The following CAAP1 variants were observed in gnomAD, a reference collection of about 807,000 sequenced individuals.
CAAP1 encodes the protein caspase activity and apoptosis inhibitor 1, also known as conserved anti-apoptotic protein.
A neutral mutation model predicts 34.0 loss-of-function variants in CAAP1; 20 were observed. The observed-to-expected ratio is 0.59, with a 90% CI of 0.41 to 0.86. The LOEUF (loss-of-function observed/expected upper bound fraction) is 0.86, where lower values mean the gene tolerates loss of function less well. CAAP1 is among the 40% of genes least tolerant of loss of function. CAAP1 has a pLI of 0.00. For synonymous variants in CAAP1, 213 were observed against 166.7 expected, an observed-to-expected ratio of 1.28 and a Z score of -2.14; for missense variants, 538 against 450.5, an observed-to-expected ratio of 1.19 and a Z score of -1.76.
chr9:26,889,190 A>C (rs367817659), intron 1 of CAAP1, among the ~76,000 whole-genome samples: 2 of 151,518 alleles, frequency 1.3e-5, no homozygotes, highest in Admixed American at 6.6e-5. Context: ...GCTGAGGCGA[A>C]CGGATCACCT....
chr9:26,887,900 TG>T (rs1360032279), intron 1 of CAAP1, among the ~76,000 whole-genome samples: 1 of 152,228 alleles, frequency 6.6e-6, no homozygotes, highest in African/African-American at 2.4e-5. Context: ...GAAGTAAAGA[TG>T]TTACAAATCA....
chr9:26,855,320 T>A (rs762353389), intron 5 of CAAP1, among the ~76,000 whole-genome samples: 1 of 151,948 alleles, frequency 6.6e-6, no homozygotes, highest in Non-Finnish European at 1.5e-5. Context: ...TGTCAGGAGT[T>A]GGGGGGGAGA....
chr9:26,851,312 G>C (rs548649207), intron 5 of CAAP1, among the ~76,000 whole-genome samples: 14 of 152,256 alleles, frequency 9.2e-5, no homozygotes, highest in Admixed American at 7.9e-4. Flanking sequence ...CAATCTAATA[G>C]GTGATATTAA....
At chr9:26,862,982 G>A (rs565929349) in intron 4 of CAAP1, among the ~76,000 whole-genome samples, 1 of 151,968 alleles carries the variant, frequency 6.6e-6, no homozygotes. Context: ...TCAATAATAA[G>A]TAAATCTTGA....
At chr9:26,883,689 CAA>C (rs1460831601) in intron 4 of CAAP1, among the ~76,000 whole-genome samples, 1 of 151,994 alleles carries the variant, frequency 6.6e-6, no homozygotes, top group Non-Finnish European at 1.5e-5. Flanking sequence ...CATCAAGAAA[CAA>C]AATGTTGATC....
rs780906896 is a variant in CAAP1 at position 26,842,449 on chromosome 9, G to A, written c.938C>T (p.Pro313Leu). 1 of 1,614,090 alleles carries A rather than the reference G, an allele frequency of 6.2e-7. No homozygotes were observed. Among genetic ancestry groups the A allele is most frequent in the South Asian group, 1.1e-5 (1 of 91,066 alleles). The stretch of plus-strand genomic sequence containing the variant: ...CAGGGTGGCTGCTTTGGGTTCGTTT[G>A]GGCTAGACTCTGCCAGTCCTAGAAT... ...NEILGLAESS[P>L]NEPKAATLAV... is the part of the protein sequence containing the mutation. The change falls in exon 6 of 6, where the codon CCA becomes CTA. Residue 313 changes from proline to leucine, a missense_variant. Physicochemically the swap from Pro to Leu is moderately conservative, Grantham distance 98. Transcript: ENST00000333916.
chr9:26,886,025 G>T, intron 3 of CAAP1, 79 bp downstream of exon 3: 1 of 578,186 alleles, frequency 1.7e-6, no homozygotes, highest in South Asian at 4.6e-5. Flanking sequence ...ATCCAAGTAG[G>T]AGAAAGAATA....
chr9:26,887,444 C>G lies in CAAP1; in HGVS notation c.373G>C (p.Gly125Arg), dbSNP rs768855156. 6.2e-7 allele frequency: 1 copy of G among 1,613,634 alleles called. No homozygotes were observed. The highest frequency in any genetic ancestry group is 8.5e-7 in the Non-Finnish European group (1 of 1,179,884). The change falls in exon 2 of 6, where the codon GGT becomes CGT. Residue 125 changes from glycine to arginine, a missense_variant. Gly to Arg is a moderately radical substitution (Grantham distance 125, BLOSUM62 -2). This residue lies in a region of CAAP1 where 514 missense variants were observed against 408.4 expected (regional missense o/e 1.26). Transcript: ENST00000333916. ...AATGACACAGTCAGGTCCAGTCCACCTTCTTCAAGGTCACTGTGCTCTGCC... is the reference window on the plus strand; with the variant it reads ...AATGACACAGTCAGGTCCAGTCCACGTTCTTCAAGGTCACTGTGCTCTGCC... ...FLAEHSDLEEGGLDLTVSLKP... is the reference protein window; with the variant it reads ...FLAEHSDLEERGLDLTVSLKP...
intron 5 of CAAP1, among the ~76,000 whole-genome samples, chr9:26,846,415 C>CAAAAAAAAAAAAAAAAAAAAAAAAAA (rs761402354): frequency 3.2e-5 from 2 of 61,752 alleles, no homozygotes; most frequent in Non-Finnish European, 3.3e-5. Context: ...GACTCTGTCT[C>CAAAAAAAAAAAAAAAAAAAAAAAAAA]AAAAAAAAAA....
At chr9:26,879,572 GAGA>G (rs1823533161) in intron 4 of CAAP1, among the ~76,000 whole-genome samples, 1 of 152,180 alleles carries the variant, frequency 6.6e-6, no homozygotes, top group Non-Finnish European at 1.5e-5. Context: ...GTTGCCAAAG[GAGA>G]TTAACATTTG....
intron 4 of CAAP1, 64 bp downstream of exon 4, chr9:26,884,746 A>G: frequency 9.2e-7 from 1 of 1,084,230 alleles, no homozygotes; most frequent in Non-Finnish European, 1.4e-6. Flanking sequence ...TATCTTTGAC[A>G]TAAGAAATCA....
chr9:26,883,809 C>G (rs1823660954), intron 4 of CAAP1, among the ~76,000 whole-genome samples: 1 of 152,112 alleles, frequency 6.6e-6, no homozygotes, highest in Non-Finnish European at 1.5e-5. Context: ...CTTGTAAATG[C>G]TTAAACTAGT....
intron 5 of CAAP1, among the ~76,000 whole-genome samples, chr9:26,855,528 G>A (rs1379652211): frequency 6.6e-6 from 1 of 152,110 alleles, no homozygotes; most frequent in Non-Finnish European, 1.5e-5. Context: ...GGAAGAGTTG[G>A]TAAGCAGGTA....
At chr9:26,888,236 T>C (rs1186725460) in intron 1 of CAAP1, among the ~76,000 whole-genome samples, 2 of 151,950 alleles carry the variant, frequency 1.3e-5, no homozygotes, top group Admixed American at 6.5e-5. Flanking sequence ...TTAAAACTCT[T>C]CAATGAATTC....
At chr9:26,849,953 C>T (rs910426492) in intron 5 of CAAP1, among the ~76,000 whole-genome samples, 2 of 151,932 alleles carry the variant, frequency 1.3e-5, no homozygotes. Context: ...ATTCTCCTGC[C>T]TCAGCCTCGC....
At chr9:26,878,843 A>G (rs1010897530) in intron 4 of CAAP1, among the ~76,000 whole-genome samples, 9 of 152,112 alleles carry the variant, frequency 5.9e-5, no homozygotes, top group African/African-American at 2.2e-4. Flanking sequence ...GCTTTCCTCT[A>G]GGATCTTCAA....
At chr9:26,887,938 C>T (rs1423761628) in intron 1 of CAAP1, among the ~76,000 whole-genome samples, 5 of 152,112 alleles carry the variant, frequency 3.3e-5, no homozygotes, top group Admixed American at 6.6e-5. Flanking sequence ...AAGTAACATA[C>T]GTACCAGGAG....
intron 1 of CAAP1, among the ~76,000 whole-genome samples, chr9:26,889,048 C>A (rs1823832268): frequency 6.6e-6 from 1 of 152,152 alleles, no homozygotes; most frequent in Non-Finnish European, 1.5e-5. Flanking sequence ...GTAAAAGATG[C>A]CAGACACAAA....
chr9:26,875,010 C>G (rs1823391246), intron 4 of CAAP1, among the ~76,000 whole-genome samples: 1 of 152,152 alleles, frequency 6.6e-6, no homozygotes, highest in Non-Finnish European at 1.5e-5. Flanking sequence ...CTAACATACA[C>G]AGGGTATGTT....
Sources: gnomAD v4.1 joint callset for allele counts (sites outside exome capture counted in the v4.1 genomes callset) on GRCh38, gnomAD v4.1.1 for gene constraint, gnomAD v4.1.1 regional missense constraint, MANE v1.5 for transcripts, NCBI Gene and HGNC (gene_info 2026-07-23, HGNC 2026-07-21) for gene names.